NT5DC1: variants seen among roughly 807,000 people sequenced by gnomAD.
NT5DC1 encodes the protein 5'-nucleotidase domain containing 1.
NT5DC1 carries 42 observed loss-of-function variants against 59.4 expected under a neutral mutation model. That is an observed-to-expected ratio of 0.71 (90% CI 0.55 to 0.92). The LOEUF is 0.92. Among genes scored for constraint, NT5DC1 ranks in the 40% least tolerant of loss-of-function variants. The pLI is 0.00. For synonymous variants in NT5DC1, 172 were observed against 188.1 expected, an observed-to-expected ratio of 0.91 and a Z score of 0.70; for missense variants, 501 against 537.1, an observed-to-expected ratio of 0.93 and a Z score of 0.66.
intron 6 of NT5DC1, among the ~76,000 whole-genome samples, chr6:116,207,997 G>A (rs185266513): frequency 1.9e-3 from 294 of 152,064 alleles, no homozygotes; most frequent in Admixed American, 3.1e-3. Context: ...GAAAAACCAG[G>A]TTAGAAGAAA....
chr6:116,129,528 C>T (rs1255213776), intron 6 of NT5DC1, among the ~76,000 whole-genome samples: 3 of 152,154 alleles, frequency 2.0e-5, no homozygotes, highest in African/African-American at 4.8e-5. Context: ...GAAGCAAGCT[C>T]GGCCCCCTTT....
intron 6 of NT5DC1, among the ~76,000 whole-genome samples, chr6:116,183,979 G>A (rs994170101): frequency 6.6e-6 from 1 of 152,026 alleles, no homozygotes; most frequent in Non-Finnish European, 1.5e-5. Flanking sequence ...TCTTTTTCCA[G>A]TTCTCAGGAG....
At chr6:116,225,072 G>A (rs1031434526) in intron 8 of NT5DC1, among the ~76,000 whole-genome samples, 1 of 152,166 alleles carries the variant, frequency 6.6e-6, no homozygotes. Flanking sequence ...CTTCCAGGTG[G>A]TTGATTTTTC....
In NT5DC1 at chr6:116,239,046, C is replaced by T. The variant is rs778850281; in HGVS notation, c.1175C>T (p.Ser392Phe). The T allele has an allele frequency of 6.2e-7, 1 of 1,609,496 alleles. No individual in the cohort carries two copies. Among genetic ancestry groups the T allele is most frequent in the Admixed American group, 1.7e-5 (1 of 59,988 alleles). The change falls in exon 11 of 12, where the codon TCC becomes TTC. Residue 392 changes from serine to phenylalanine, a missense_variant. Transcript: ENST00000319550. ...SVLGLENTEDSLVYTWSCKRI... is the reference protein window; with the variant it reads ...SVLGLENTEDFLVYTWSCKRI... ...TTGGGACTGGAAAATACAGAAGACTCCTTGGTTTATACATGGTCTTGTAAG... is the reference window on the plus strand; with the variant it reads ...TTGGGACTGGAAAATACAGAAGACTTCTTGGTTTATACATGGTCTTGTAAG...
chr6:116,177,640 A>G (rs776941366), intron 6 of NT5DC1, among the ~76,000 whole-genome samples: 5 of 152,230 alleles, frequency 3.3e-5, no homozygotes, highest in Non-Finnish European at 7.3e-5. Flanking sequence ...CTTTTTACTT[A>G]AAGGAATTTA....
At position 116,185,085 on chromosome 6, in the gene NT5DC1, A is replaced by C. The variant is rs1780967487; in HGVS notation, c.530-35969A>C. Reference sequence around the variant, plus strand: ...GTCACTATTATCATTAAGTTTAAAGAATTTTTAAATTTCCATCTTGAGTTC... The same window carrying C: ...GTCACTATTATCATTAAGTTTAAAGCATTTTTAAATTTCCATCTTGAGTTC... On this transcript the variant is annotated intron_variant, in intron 6 of 11. Coordinates refer to ENST00000319550, the MANE Select transcript of NT5DC1 (RefSeq NM_152729.3). Among the ~76,000 whole-genome samples, 3 of 152,192 alleles carry C rather than the reference A, an allele frequency of 2.0e-5. 1 individual carries two copies. The highest frequency in any genetic ancestry group is 2.0e-4 in the Admixed American group (3 of 15,274).
intron 6 of NT5DC1, among the ~76,000 whole-genome samples, chr6:116,217,923 T>C (rs1204791): frequency 0.39 from 58,705 of 152,010 alleles, 14,552 homozygotes; most frequent in African/African-American, 0.71. Context: ...TAATTATGTC[T>C]CCTATTCCTT....
At chr6:116,165,806 C>G (rs1780449682) in intron 6 of NT5DC1, among the ~76,000 whole-genome samples, 1 of 152,234 alleles carries the variant, frequency 6.6e-6, no homozygotes. Flanking sequence ...TGCTGGTCCC[C>G]TGTGGTTGTC....
At chr6:116,199,996 AAGT>A (rs1562161617) in intron 6 of NT5DC1, among the ~76,000 whole-genome samples, 5 of 98,040 alleles carry the variant, frequency 5.1e-5, no homozygotes, top group African/African-American at 2.0e-4. Flanking sequence ...ACAGTATGGA[AAGT>A]GGGGGGGGAA....
chr6:116,220,122 CTTTTTTTTTTTTTT>C (rs60827021), intron 6 of NT5DC1, among the ~76,000 whole-genome samples: 14 of 98,648 alleles, frequency 1.4e-4, no homozygotes, highest in African/African-American at 6.1e-4. Flanking sequence ...GCTGTTTAAC[CTTTTTTTTTTTTTT>C]TTTTTTTTTG....
intron 6 of NT5DC1, among the ~76,000 whole-genome samples, chr6:116,124,792 T>C (rs147478942): frequency 6.6e-6 from 1 of 152,232 alleles, no homozygotes; most frequent in Non-Finnish European, 1.5e-5. Context: ...TAAGTAATTA[T>C]GAGAATTGCA....
chr6:116,115,104 C>T (rs1778940785), intron 4 of NT5DC1, among the ~76,000 whole-genome samples: 2 of 152,188 alleles, frequency 1.3e-5, no homozygotes, highest in South Asian at 4.1e-4. Context: ...CAGAATAAAC[C>T]AAATCCCTCT....
intron 6 of NT5DC1, among the ~76,000 whole-genome samples, chr6:116,124,842 G>A (rs191034723): frequency 6.6e-6 from 1 of 152,186 alleles, no homozygotes; most frequent in Admixed American, 6.5e-5. Context: ...AATTACATTT[G>A]TTCATTGTTG....
chr6:116,191,121 A>AT (rs1562158025), intron 6 of NT5DC1, among the ~76,000 whole-genome samples: 1 of 151,724 alleles, frequency 6.6e-6, no homozygotes, highest in African/African-American at 2.4e-5. Flanking sequence ...GTGGAAACCA[A>AT]TTTTTTTAAT....
In NT5DC1 at chr6:116,108,419, A is replaced by G. The variant is rs145810832; in HGVS notation, c.241A>G (p.Asn81Asp). The change falls in exon 3 of 12, where the codon AAT (asparagine) becomes GAT (aspartate). Residue 81 changes from asparagine (N) to aspartate (D), a missense_variant. By Grantham distance (23) the Asn-to-Asp change is conservative (BLOSUM62 1). Coordinates refer to ENST00000319550, the MANE Select transcript of NT5DC1 (RefSeq NM_152729.3). The part of the protein sequence containing the change: ...EDGNFLKLAN[N>D]GTVLRASHGT... ...TGGGAACTTCCTTAAACTTGCAAAT[A>G]ATGGCACTGTTCTCAGGTAATAAAA... 8.0e-5 allele frequency: 128 copies of G among 1,603,242 alleles called. No homozygotes were observed. Among genetic ancestry groups the G allele is most frequent in the Non-Finnish European group, 7.9e-5 (93 of 1,170,302 alleles).
At chr6:116,150,493 C>G (rs1319804448) in intron 6 of NT5DC1, among the ~76,000 whole-genome samples, 1 of 152,062 alleles carries the variant, frequency 6.6e-6, no homozygotes, top group East Asian at 1.9e-4. Context: ...CCATGTTGGC[C>G]AGGCTGGTCT....
At chr6:116,125,746 A>G (rs912270157) in intron 6 of NT5DC1, 2 of 347,648 alleles carry the variant, frequency 5.8e-6, no homozygotes, top group Non-Finnish European at 1.1e-5. Flanking sequence ...TACCTAAAGG[A>G]AAAGAAACAG....
intron 6 of NT5DC1, among the ~76,000 whole-genome samples, chr6:116,187,828 CAG>C (rs1173381754): frequency 6.6e-6 from 1 of 151,826 alleles, no homozygotes; most frequent in Admixed American, 6.6e-5. Flanking sequence ...AGGATAGAAA[CAG>C]TATTGATTGA....
At chr6:116,144,712 C>T (rs192283687) in intron 6 of NT5DC1, among the ~76,000 whole-genome samples, 14 of 152,160 alleles carry the variant, frequency 9.2e-5, no homozygotes, top group African/African-American at 3.4e-4. Context: ...AGACTTCACA[C>T]CAGTAACATG....
Sources: allele counts gnomAD v4.1 joint callset (sites outside exome capture counted in the v4.1 genomes callset), GRCh38; gene constraint gnomAD v4.1.1; transcripts MANE v1.5; gene names NCBI Gene and HGNC (gene_info 2026-07-23, HGNC 2026-07-21).